Variants in CDR2 observed in about 807,000 individuals in gnomAD.
The protein encoded by CDR2 is cerebellar degeneration-related protein 2.
A neutral mutation model predicts 48.4 loss-of-function variants in CDR2; 34 were observed. The ratio of observed to expected loss-of-function variants is 0.70; its 90% CI spans 0.53 to 0.94. CDR2 has a LOEUF of 0.94. CDR2 is among the 40% of genes least tolerant of loss of function. The probability of loss-of-function intolerance (pLI) is 0.00; values close to 1 mark genes in which losing one functional copy is unlikely to be tolerated. For missense variants in CDR2, 498 were observed against 549.5 expected, an observed-to-expected ratio of 0.91 and a Z score of 0.94; for synonymous variants, 240 against 219.7, an observed-to-expected ratio of 1.09 and a Z score of -0.82.
chr16:22,352,273 G>C (rs2048947324), intron 2 of CDR2, among the ~76,000 whole-genome samples: 2 of 152,058 alleles, frequency 1.3e-5, no homozygotes, highest in Non-Finnish European at 2.9e-5. Context: ...CTCTTCTTGA[G>C]GCTTTTTCTA....
intron 1 of CDR2, among the ~76,000 whole-genome samples, chr16:22,369,249 C>A (rs74012314): frequency 0.022 from 3,302 of 148,278 alleles, 133 homozygotes; most frequent in African/African-American, 0.077. Flanking sequence ...AGTTCGAGAC[C>A]AGCATGGGCA....
chr16:22,347,984 C>CTGGA (rs1210216250), intron 4 of CDR2, among the ~76,000 whole-genome samples, 161 bp from the exon 5 acceptor site: 1 of 151,938 alleles, frequency 6.6e-6, no homozygotes, highest in Non-Finnish European at 1.5e-5. Context: ...TGTCGCCAGG[C>CTGGA]TGGAGTGCAG....
intron 2 of CDR2, among the ~76,000 whole-genome samples, chr16:22,352,382 T>C (rs958806666): frequency 9.9e-5 from 15 of 152,212 alleles, no homozygotes; most frequent in Non-Finnish European, 1.2e-4. Flanking sequence ...TTTTTTTTTT[T>C]CAAATCCATT....
At position 22,347,643 on chromosome 16, in the gene CDR2, C is replaced by G; in HGVS notation, c.687G>C (p.Glu229Asp). 1 of 1,614,166 alleles carries G rather than the reference C, an allele frequency of 6.2e-7. No individual in the cohort carries two copies. The highest frequency in any genetic ancestry group is 8.5e-7 in the Non-Finnish European group (1 of 1,180,032). The change falls in exon 5 of 5, where the codon GAG (glutamate) becomes GAC (aspartate). Residue 229 changes from glutamate (E) to aspartate (D), a missense_variant. Coordinates refer to ENST00000268383, the MANE Select transcript of CDR2 (RefSeq NM_001802.2). ...CCAGCTGCTGCTCCAGTTCACTGTT[C>G]TCCTTTAACACGAGCCCATATTCCT... The part of the protein sequence containing the change: ...MEEEYGLVLK[E>D]NSELEQQLGA...
At chr16:22,349,214 A>G in intron 4 of CDR2, 65 bp downstream of exon 4, 13 of 1,540,498 alleles carry the variant, frequency 8.4e-6, no homozygotes, top group Non-Finnish European at 1.2e-5. Context: ...ATCTACTGGA[A>G]ATCAGAATGT....
Position 22,359,845 on chromosome 16 carries a change from G to C in CDR2, c.192+5057C>G, listed in dbSNP as rs1253982062. On this transcript the variant is annotated intron_variant, in intron 2 of 4. Transcript: ENST00000268383. ...CTGTTAAAATACTGATTTCAACAAA[G>C]TATTGATTACCTAGTATGTGTGAAA... Among the ~76,000 whole-genome samples the C allele has an allele frequency of 3.3e-5, 5 of 151,636 alleles. No individual in the cohort carries two copies. The East Asian group carries it at 9.6e-4, about 29-fold the overall frequency.
At chr16:22,347,947 CTT>C in intron 4 of CDR2, 124 bp from the exon 5 acceptor site, 2 of 941,080 alleles carry the variant, frequency 2.1e-6, no homozygotes, top group Non-Finnish European at 3.1e-6. Flanking sequence ...ATTTTTTTTT[CTT>C]TTTTTTTGAG....
intron 1 of CDR2, among the ~76,000 whole-genome samples, chr16:22,370,478 G>C (rs533801595): frequency 6.6e-6 from 1 of 152,236 alleles, no homozygotes; most frequent in African/African-American, 2.4e-5. Context: ...CTCACCAAAT[G>C]ACAATAGCAG....
At chr16:22,352,284 C>T (rs1179928466) in intron 2 of CDR2, among the ~76,000 whole-genome samples, 1 of 152,020 alleles carries the variant, frequency 6.6e-6, no homozygotes, top group African/African-American at 2.4e-5. Flanking sequence ...GCTTTTTCTA[C>T]AACTCTAGAA....
rs1316149172 is a variant in CDR2, at chr16:22,347,154, C to A, written c.1176G>T (p.Val392=). 5 of 1,614,178 alleles carry A rather than the reference C, an allele frequency of 3.1e-6. No individual in the cohort carries two copies. In the South Asian group the frequency reaches 5.5e-5, roughly 18 times the overall value. ...TGGCAACAGGCTCAGACTGGGCGTTCACTCCAGTCAGGTCCTTGGCTGCAG... is the reference window on the plus strand; with the variant it reads ...TGGCAACAGGCTCAGACTGGGCGTTAACTCCAGTCAGGTCCTTGGCTGCAG... ...SRAAAKDLTG[V]NAQSEPVASG... The change falls in exon 5 of 5, where the codon GTG becomes GTT. Residue 392 remains valine (V), a synonymous_variant. Coordinates refer to ENST00000268383, the MANE Select transcript of CDR2 (RefSeq NM_001802.2).
intron 2 of CDR2, among the ~76,000 whole-genome samples, chr16:22,358,603 T>C (rs1001370856): frequency 3.3e-5 from 5 of 151,794 alleles, no homozygotes; most frequent in African/African-American, 1.2e-4. Flanking sequence ...AGAAATGGAG[T>C]GGAAATCTGG....
chr16:22,350,383 T>C (rs915257011), intron 2 of CDR2, among the ~76,000 whole-genome samples: 2 of 152,096 alleles, frequency 1.3e-5, no homozygotes, highest in Non-Finnish European at 2.9e-5. Context: ...GCATGATTGA[T>C]TCAATTATTG....
chr16:22,356,471 T>C (rs1473667900), intron 2 of CDR2, among the ~76,000 whole-genome samples: 1 of 148,694 alleles, frequency 6.7e-6, no homozygotes. Context: ...TACAAAAATT[T>C]GCTGGGTGTG....
At position 22,347,298 on chromosome 16, in the gene CDR2, G is replaced by T. The variant is rs781183025; in HGVS notation, c.1032C>A (p.Ser344=). The stretch of plus-strand genomic sequence containing the variant: ...ACTGCGTGTCCACTTCGTGCAGAAG[G>T]GAGATGCCCCTCTGTTTCACAGCCT... ...RAKAVKQRGI[S]LLHEVDTQYS... is the part of the protein sequence containing the mutation. The change falls in exon 5 of 5, where the codon TCC becomes TCA. Residue 344 remains serine (S), a synonymous_variant. Coordinates refer to ENST00000268383, the MANE Select transcript of CDR2 (RefSeq NM_001802.2). 6.2e-6 allele frequency: 10 copies of T among 1,614,110 alleles called. No individual in the cohort carries two copies. In the African/African-American group the frequency reaches 1.3e-4, roughly 22 times the overall value.
rs1009847380 is a variant in CDR2, at chr16:22,354,260, G to A, written c.193-4411C>T. ...ATCTTGGACATGGAAAATCCTGGAC[G>A]TCCCCTGCCCTGACCAATGTCCTTT... On this transcript the variant is annotated intron_variant, in intron 2 of 4. Transcript: ENST00000268383. 5.9e-5 allele frequency among the ~76,000 whole-genome samples: 9 copies of A among 152,152 alleles called. No homozygotes were observed. In the East Asian group the frequency reaches 9.6e-4, roughly 16 times the overall value.
intron 2 of CDR2, among the ~76,000 whole-genome samples, chr16:22,360,947 G>A (rs1299970973): frequency 6.6e-6 from 1 of 151,596 alleles, no homozygotes; most frequent in Non-Finnish European, 1.5e-5. Flanking sequence ...ACAGGGTTTC[G>A]CCATGTTGGC....
chr16:22,372,903 G>A (rs1396222095), intron 1 of CDR2, among the ~76,000 whole-genome samples: 2 of 152,304 alleles, frequency 1.3e-5, no homozygotes, highest in East Asian at 1.9e-4. Context: ...GCATGAACAA[G>A]CAACATGATC....
chr16:22,371,474 T>C (rs1407039304), intron 1 of CDR2, among the ~76,000 whole-genome samples: 1 of 152,212 alleles, frequency 6.6e-6, no homozygotes, highest in Non-Finnish European at 1.5e-5. Flanking sequence ...TCCTGGAACA[T>C]TCACTCTATG....
chr16:22,373,976 G>A (rs1475781721), intron 1 of CDR2, among the ~76,000 whole-genome samples: 1 of 152,230 alleles, frequency 6.6e-6, no homozygotes, highest in Non-Finnish European at 1.5e-5. Flanking sequence ...CGCTTAAAAC[G>A]GTGCCTGGCT....
Sources: gnomAD v4.1 joint callset for allele counts (sites outside exome capture counted in the v4.1 genomes callset) on GRCh38, gnomAD v4.1.1 for gene constraint, MANE v1.5 for transcripts, NCBI Gene and HGNC (gene_info 2026-07-23, HGNC 2026-07-21) for gene names.